The following ACTR3C variants were observed in gnomAD, a reference collection of about 807,000 sequenced individuals.
ACTR3C encodes the protein actin-related protein 3C.
A neutral mutation model predicts 26.3 loss-of-function variants in ACTR3C; 18 were observed. The observed-to-expected ratio is 0.68, with a 90% CI of 0.47 to 1.01. The LOEUF is 1.01. ACTR3C is among the 50% of genes least tolerant of loss of function. ACTR3C has a pLI of 0.00. For synonymous variants in ACTR3C, 55 were observed against 94.5 expected, an observed-to-expected ratio of 0.58 and a Z score of 2.42; for missense variants, 184 against 250.7, an observed-to-expected ratio of 0.73 and a Z score of 1.80.
At chr7:149,911,367 ACACTGTTAGAC>A in the ACTR3C span, among the ~76,000 whole-genome samples, 1 of 151,108 alleles carries the variant, frequency 6.6e-6, no homozygotes, top group Non-Finnish European at 1.5e-5. Flanking sequence ...CCACCTTCCC[ACACTGTTAGAC>A]TATGAGTTCC....
chr7:149,982,410 G>T, the ACTR3C span, among the ~76,000 whole-genome samples: 1 of 151,970 alleles, frequency 6.6e-6, no homozygotes, highest in Non-Finnish European at 1.5e-5. Flanking sequence ...ATTAAATAAA[G>T]GTTAGTTTTT....
At chr7:150,279,554 T>C (rs28540899) in intron 6 of ACTR3C, among the ~76,000 whole-genome samples, 31,522 of 147,610 alleles carry the variant, frequency 0.21, 5,394 homozygotes, top group African/African-American at 0.47. Flanking sequence ...TTATTGCTGG[T>C]CCCACCCTCC....
At chr7:150,180,417 G>A in the ACTR3C span, among the ~76,000 whole-genome samples, 1 of 150,598 alleles carries the variant, frequency 6.6e-6, no homozygotes, top group Non-Finnish European at 1.5e-5. Context: ...TCCCTGACCA[G>A]TAGTGAGACT....
chr7:150,095,896 TAC>T, the ACTR3C span, among the ~76,000 whole-genome samples: 1 of 149,392 alleles, frequency 6.7e-6, no homozygotes, highest in African/African-American at 2.5e-5. Flanking sequence ...CCATATAAAC[TAC>T]AGTCACTGAC....
the ACTR3C span, among the ~76,000 whole-genome samples, chr7:150,065,200 C>T: frequency 3.3e-5 from 5 of 152,004 alleles, no homozygotes; most frequent in African/African-American, 7.3e-5. Flanking sequence ...TGAAGTGAGG[C>T]GGGACTGAAA....
At chr7:150,148,477 G>A in the ACTR3C span, among the ~76,000 whole-genome samples, 8 of 151,608 alleles carry the variant, frequency 5.3e-5, no homozygotes, top group East Asian at 2.0e-4. Context: ...ACACTGTCTC[G>A]GGCGGAAAAA....
At chr7:150,043,071 C>A in the ACTR3C span, among the ~76,000 whole-genome samples, 163 of 151,838 alleles carry the variant, frequency 1.1e-3, no homozygotes, top group Non-Finnish European at 1.7e-3. Context: ...CCTAAGAATT[C>A]TCTCACCTGC....
At chr7:149,999,810 A>G in the ACTR3C span, among the ~76,000 whole-genome samples, 1 of 151,964 alleles carries the variant, frequency 6.6e-6, no homozygotes, top group Non-Finnish European at 1.5e-5. Flanking sequence ...TGAATACCCA[A>G]CAAAACCGTG....
At chr7:150,042,331 CTG>C in the ACTR3C span, among the ~76,000 whole-genome samples, 5 of 111,940 alleles carry the variant, frequency 4.5e-5, no homozygotes, top group Admixed American at 8.0e-5. Flanking sequence ...CTCTCAGTCC[CTG>C]CCTCGCGGGG....
At chr7:150,067,818 T>G in the ACTR3C span, among the ~76,000 whole-genome samples, 2 of 72,916 alleles carry the variant, frequency 2.7e-5, no homozygotes, top group African/African-American at 5.3e-5. Context: ...GGGGATGGGG[T>G]CGGGGGGAGG....
the ACTR3C span, among the ~76,000 whole-genome samples, chr7:150,233,302 T>A: frequency 6.6e-6 from 1 of 150,728 alleles, no homozygotes; most frequent in South Asian, 2.1e-4. Context: ...CTTGTCCTGT[T>A]TTGCTGTAAG....
At chr7:149,971,343 T>C in the ACTR3C span, among the ~76,000 whole-genome samples, 3 of 152,062 alleles carry the variant, frequency 2.0e-5, no homozygotes, top group Non-Finnish European at 2.9e-5. Context: ...ACCGATGGGG[T>C]GTTAGAACAA....
At chr7:149,971,627 G>A in the ACTR3C span, among the ~76,000 whole-genome samples, 35 of 152,328 alleles carry the variant, frequency 2.3e-4, no homozygotes, top group Non-Finnish European at 4.9e-4. Flanking sequence ...GATTCTGAAA[G>A]GACTTCGAAG....
the ACTR3C span, among the ~76,000 whole-genome samples, chr7:150,157,647 A>G: frequency 6.6e-6 from 1 of 152,174 alleles, no homozygotes; most frequent in African/African-American, 2.4e-5. Flanking sequence ...CCAACACTGC[A>G]CCAAGGAAAG....
chr7:149,891,383 G>A, the ACTR3C span: 5 of 1,148,334 alleles, frequency 4.4e-6, no homozygotes, highest in African/African-American at 5.8e-5. Flanking sequence ...AGAAGAAACT[G>A]TATTATTAAG....
the ACTR3C span, among the ~76,000 whole-genome samples, chr7:149,928,818 G>C: frequency 9.9e-5 from 15 of 151,422 alleles, no homozygotes; most frequent in South Asian, 3.2e-3. Flanking sequence ...ACTTCAGCCT[G>C]GGCAACACAG....
At chr7:150,194,988 G>A in the ACTR3C span, among the ~76,000 whole-genome samples, 1 of 151,918 alleles carries the variant, frequency 6.6e-6, no homozygotes, top group Non-Finnish European at 1.5e-5. Context: ...CAGCTACTCA[G>A]GAGGCTGAGG....
At chr7:150,151,397 C>T in the ACTR3C span, among the ~76,000 whole-genome samples, 1 of 137,462 alleles carries the variant, frequency 7.3e-6, no homozygotes. Flanking sequence ...ATTTCTATAA[C>T]TATCTCATCA....
chr7:150,158,637 T>G, the ACTR3C span, among the ~76,000 whole-genome samples: 1 of 152,278 alleles, frequency 6.6e-6, no homozygotes, highest in Admixed American at 6.5e-5. Flanking sequence ...CTTATAGAAA[T>G]AGAGTAGAAC....
Sources: allele counts gnomAD v4.1 joint callset (sites outside exome capture counted in the v4.1 genomes callset), GRCh38; gene constraint gnomAD v4.1.1; transcripts MANE v1.5; gene names NCBI Gene and HGNC (gene_info 2026-07-23, HGNC 2026-07-21).